Variants in PPIP5K1 observed in about 807,000 individuals in gnomAD.
PPIP5K1 encodes the protein inositol hexakisphosphate and diphosphoinositol-pentakisphosphate kinase 1.
PPIP5K1 carries 6 observed loss-of-function variants against 27.7 expected under a neutral mutation model. The observed-to-expected ratio is 0.22, with a 90% confidence interval of 0.12 to 0.43. PPIP5K1 has a LOEUF of 0.43. Ranked by LOEUF, PPIP5K1 falls within the 20% of genes least tolerant of loss-of-function variation. PPIP5K1 has a pLI of 1.00. For missense variants in PPIP5K1, 394 were observed against 635.4 expected (o/e 0.62, Z 4.08); for synonymous variants, 145 against 242.6 (o/e 0.60, Z 3.74).
At chr15:43,549,056 A>AAAT (rs1567039538) in intron 30 of PPIP5K1, among the ~76,000 whole-genome samples, 22 of 54,282 alleles carry the variant, frequency 4.1e-4, no homozygotes, top group East Asian at 7.0e-4. Context: ...AAAAAAAAAA[A>AAAT]ATATATATAT....
chr15:43,579,631 G>A (rs9652445), intron 10 of PPIP5K1, among the ~76,000 whole-genome samples: 398 of 35,620 alleles, frequency 0.011, 18 homozygotes, highest in Middle Eastern at 0.059. Flanking sequence ...GTGTGTGTGT[G>A]TATATATATA....
intron 30 of PPIP5K1, among the ~76,000 whole-genome samples, chr15:43,549,046 A>ATATATATATAT (rs1292977165): frequency 1.2e-5 from 1 of 84,612 alleles, no homozygotes; most frequent in African/African-American, 7.8e-5. Flanking sequence ...AAAAAAAAAA[A>ATATATATATAT]AAAAAAAAAA....
At chr15:43,551,881 G>A (rs1309218905) in intron 30 of PPIP5K1, among the ~76,000 whole-genome samples, 2 of 151,886 alleles carry the variant, frequency 1.3e-5, no homozygotes, top group Non-Finnish European at 2.9e-5. Context: ...GGGATTACAG[G>A]CGTGAGCCAC....
rs763702965 is a variant in PPIP5K1, at chr15:43,535,222, C to T, written c.3925G>A (p.Glu1309Lys). Residue 1309 changes from glutamate to lysine, a missense_variant, in exon 32 of 32, where the codon GAG (glutamate) becomes AAG (lysine). Coordinates refer to ENST00000420765, the MANE Select transcript of PPIP5K1 (RefSeq NM_001394395.1). ...TCCTGACATGGCTGGCTGACCTCCTCGTATGGCTGGCTGGTTTCCATAGGT... is the reference window on the plus strand; with the variant it reads ...TCCTGACATGGCTGGCTGACCTCCTTGTATGGCTGGCTGGTTTCCATAGGT... ...VPPMETSQPY[E>K]EVSQPCQEVP... The T allele has an allele frequency of 8.1e-6, 13 of 1,613,996 alleles. No homozygotes were observed. Among genetic ancestry groups the T allele is most frequent in the African/African-American group, 2.7e-5 (2 of 74,900 alleles).
At chr15:43,558,528 A>AT (rs1192471930) in intron 30 of PPIP5K1, among the ~76,000 whole-genome samples, 1 of 150,336 alleles carries the variant, frequency 6.7e-6, no homozygotes, top group Non-Finnish European at 1.5e-5. Flanking sequence ...GCCCGGCCTT[A>AT]TTTTTTTTCA....
At chr15:43,579,670 T>TTA (rs2084816370) in intron 10 of PPIP5K1, among the ~76,000 whole-genome samples, 1 of 52,584 alleles carries the variant, frequency 1.9e-5, no homozygotes. Context: ...TTTTTTTTTT[T>TTA]TTTTTTTTTG....
Position 43,558,854 on chromosome 15 carries a change from C to G in PPIP5K1, c.3497G>C (p.Ser1166Thr), listed in dbSNP as rs769061283. ...CTGGCAGACTCTACTCAAGAATTCA[C>G]TCACTTGACGTAGGGAAAGGGCATT... ...LHNALSLRQV[S>T]EFLSRVCQRH... The change falls in exon 30 of 32, where the codon AGT becomes ACT. Residue 1166 changes from serine (S) to threonine (T), a missense_variant. Ser to Thr is a moderately conservative substitution (Grantham distance 58). Around this residue, in one of 4 missense-constraint regions of PPIP5K1, gnomAD observed 379 missense variants for 423.9 expected, o/e 0.89. Coordinates refer to ENST00000420765, the MANE Select transcript of PPIP5K1 (RefSeq NM_001394395.1). The G allele has an allele frequency of 6.2e-6, 10 of 1,614,056 alleles. No individual in the cohort carries two copies. The East Asian group carries it at 2.0e-4, about 32-fold the overall frequency.
intron 29 of PPIP5K1, among the ~76,000 whole-genome samples, chr15:43,559,425 T>G (rs1047491835): frequency 4.6e-5 from 7 of 152,106 alleles, no homozygotes; most frequent in African/African-American, 1.4e-4. Context: ...CATGCAAATT[T>G]AGGATGTCGG....
rs533164008 is a variant in PPIP5K1 at position 43,556,042 on chromosome 15, G to A, written c.3556+2753C>T. ...CACTTTAAAAAGTGCATTCTGGGCCGGGCGCAGTGACTCATGCCTGTAATC... is the reference window on the plus strand; with the variant it reads ...CACTTTAAAAAGTGCATTCTGGGCCAGGCGCAGTGACTCATGCCTGTAATC... On this transcript the variant is annotated intron_variant, in intron 30 of 31. Transcript: ENST00000420765. Among the ~76,000 whole-genome samples, 10 of 152,216 alleles carry A rather than the reference G, an allele frequency of 6.6e-5. No homozygotes were observed. In the East Asian group the frequency reaches 9.6e-4, roughly 15 times the overall value.
intron 30 of PPIP5K1, among the ~76,000 whole-genome samples, chr15:43,549,379 T>C (rs562547932): frequency 2.0e-5 from 3 of 152,140 alleles, no homozygotes; most frequent in Admixed American, 1.3e-4. Flanking sequence ...ATAAACACAA[T>C]TGGGCCAGAC....
chr15:43,555,092 C>T (rs1248646789), intron 30 of PPIP5K1, among the ~76,000 whole-genome samples: 1 of 152,144 alleles, frequency 6.6e-6, no homozygotes, highest in Non-Finnish European at 1.5e-5. Context: ...CCTCCTTGGC[C>T]TCCCAAAGTG....
At chr15:43,579,533 G>A (rs1315514742) in intron 10 of PPIP5K1, among the ~76,000 whole-genome samples, 4 of 76,394 alleles carry the variant, frequency 5.2e-5, no homozygotes, top group Non-Finnish European at 8.1e-5. Flanking sequence ...GTATATAGAT[G>A]CACATATGTA....
intron 30 of PPIP5K1, among the ~76,000 whole-genome samples, chr15:43,557,509 C>T (rs908319590): frequency 5.3e-5 from 8 of 152,076 alleles, no homozygotes; most frequent in African/African-American, 1.4e-4. Flanking sequence ...GCAGGAGGAT[C>T]GTTTGAGCCC....
At chr15:43,542,440 T>C (rs1008818155) in intron 30 of PPIP5K1, among the ~76,000 whole-genome samples, 6 of 151,610 alleles carry the variant, frequency 4.0e-5, no homozygotes, top group African/African-American at 1.2e-4. Flanking sequence ...TACAGGCGCA[T>C]AGCACAATGC....
intron 30 of PPIP5K1, among the ~76,000 whole-genome samples, chr15:43,557,453 A>G (rs2083130862): frequency 6.6e-6 from 1 of 152,060 alleles, no homozygotes; most frequent in African/African-American, 2.4e-5. Flanking sequence ...GTCTCAAAAA[A>G]AGTCTTTGTG....
At chr15:43,557,661 C>G (rs2083166808) in intron 30 of PPIP5K1, among the ~76,000 whole-genome samples, 1 of 151,300 alleles carries the variant, frequency 6.6e-6, no homozygotes, top group Non-Finnish European at 1.5e-5. Flanking sequence ...TTCTCTTTCT[C>G]TCTCTCTCTC....
In PPIP5K1 at chr15:43,539,507, G is replaced by A; in HGVS notation, c.3633C>T (p.Pro1211=). The A allele has an allele frequency of 2.5e-6, 4 of 1,608,818 alleles. No homozygotes were observed. The highest frequency in any genetic ancestry group is 3.4e-6 in the Non-Finnish European group (4 of 1,176,972). Residue 1211 remains proline, a synonymous_variant, in exon 31 of 32, where the codon CCC becomes CCT. Coordinates refer to ENST00000420765, the MANE Select transcript of PPIP5K1 (RefSeq NM_001394395.1). ...TCTCAGAGCGCTGCTGGAGTTGCAG[G>A]GGAGGTGAATGAAGAGTACGTGGTG... ...FSPPRTLHSP[P]LQLQQRSEKP...
In PPIP5K1 at chr15:43,535,445, A is replaced by G; in HGVS notation, c.3702T>C (p.Ser1234=). The change falls in exon 32 of 32, where the codon AGT becomes AGC. Residue 1234 remains serine, a synonymous_variant. Transcript: ENST00000420765. ...YSSGPSSTVS[S]AGPSSPTTVD... ...CTGTAGTAGGGGAAGAAGGACCAGCACTGGACACAGTGCTAGAAGGGCCAC... is the reference window on the plus strand; with the variant it reads ...CTGTAGTAGGGGAAGAAGGACCAGCGCTGGACACAGTGCTAGAAGGGCCAC... The G allele has an allele frequency of 6.2e-7, 1 of 1,602,016 alleles. No homozygotes were observed. The highest frequency in any genetic ancestry group is 8.5e-7 in the Non-Finnish European group (1 of 1,174,746).
Position 43,535,327 on chromosome 15 carries a change from T to C in PPIP5K1, c.3820A>G (p.Thr1274Ala). The change falls in exon 32 of 32, where the codon ACC becomes GCC. Residue 1274 changes from threonine to alanine, a missense_variant. Physicochemically the swap from Thr to Ala is moderately conservative, Grantham distance 58. Transcript: ENST00000420765. ...EHQGLGLLQETPGSGAQELSI... is the reference protein window; with the variant it reads ...EHQGLGLLQEAPGSGAQELSI... Reference sequence around the variant, plus strand: ...AGCTCTTGTGCTCCACTCCCAGGGGTCTCCTGGAGCAGCCCAAGGCCTTGA... The same window carrying C: ...AGCTCTTGTGCTCCACTCCCAGGGGCCTCCTGGAGCAGCCCAAGGCCTTGA... 1 of 1,614,072 alleles carries C rather than the reference T, an allele frequency of 6.2e-7. No homozygotes were observed. The highest frequency in any genetic ancestry group is 1.1e-5 in the South Asian group (1 of 91,086).
Sources: gnomAD v4.1 joint callset for allele counts (sites outside exome capture counted in the v4.1 genomes callset) on GRCh38, gnomAD v4.1.1 for gene constraint, gnomAD v4.1.1 regional missense constraint, MANE v1.5 for transcripts, NCBI Gene and HGNC (gene_info 2026-07-23, HGNC 2026-07-21) for gene names.